Variants in HTRA4 observed in about 807,000 individuals in gnomAD.
The protein encoded by HTRA4 is serine protease HTRA4.
In HTRA4, 46 loss-of-function variants were observed where a neutral mutation model predicts 49.1. The observed-to-expected ratio is 0.94, with a 90% CI of 0.74 to 1.20. The LOEUF (loss-of-function observed/expected upper bound fraction) is 1.20, where lower values mean the gene tolerates loss of function less well. Ranked by LOEUF, HTRA4 falls within the 50% of genes most tolerant of loss-of-function variation. HTRA4 has a pLI of 0.00. For missense variants in HTRA4, 602 were observed against 636.9 expected (o/e 0.95, Z 0.59); for synonymous variants, 261 against 264.0 (o/e 0.99, Z 0.11).
chr8:38,980,618 A>T (rs1411839931), intron 5 of HTRA4, among the ~76,000 whole-genome samples: 1 of 152,026 alleles, frequency 6.6e-6, no homozygotes, highest in East Asian at 1.9e-4. Context: ...TGCGCCTGTA[A>T]TCCCAGCTAC....
At chr8:38,980,685 C>A (rs1219082461) in intron 5 of HTRA4, among the ~76,000 whole-genome samples, 1 of 151,942 alleles carries the variant, frequency 6.6e-6, no homozygotes, top group Non-Finnish European at 1.5e-5. Flanking sequence ...TTGCAATGAG[C>A]CAAGGTTGCA....
At position 38,977,991 on chromosome 8, in the gene HTRA4, C is replaced by T. The variant is rs558785643; in HGVS notation, c.810C>T (p.Asp270=). The T allele has an allele frequency of 8.1e-6, 13 of 1,614,108 alleles. 1 individual carries two copies. The South Asian group carries it at 1.4e-4, about 18-fold the overall frequency. Residue 270 remains aspartate, a synonymous_variant, in exon 4 of 9, where the codon GAC becomes GAT. Coordinates refer to ENST00000302495, the MANE Select transcript of HTRA4 (RefSeq NM_153692.4). The part of the protein sequence containing the change: ...LPVLMLGRSS[D]LRAGEFVVAL... ...TACTGATGCTGGGAAGATCATCTGA[C>T]CTTCGGGCTGGAGAGTTTGTGGTGG...
intron 8 of HTRA4, among the ~76,000 whole-genome samples, chr8:38,984,586 A>T (rs1301878041): frequency 1.3e-5 from 2 of 151,706 alleles, no homozygotes; most frequent in Non-Finnish European, 2.9e-5. Context: ...ATCCCTACTT[A>T]AAAAATATAA....
In HTRA4 at chr8:38,981,640, C is replaced by A. The variant is rs774957679; in HGVS notation, c.1000-13C>A. On this transcript the variant is annotated splice_polypyrimidine_tract_variant and intron_variant, in intron 5 of 8. Transcript: ENST00000302495. ...AAAACTTCATGACTGAATGATGTCCCCTCCCTTGCCAGGATGGTGATGTGA... is the reference window on the plus strand; with the variant it reads ...AAAACTTCATGACTGAATGATGTCCACTCCCTTGCCAGGATGGTGATGTGA... The A allele has an allele frequency of 1.3e-6, 2 of 1,596,990 alleles. No individual in the cohort carries two copies. Among genetic ancestry groups the A allele is most frequent in the South Asian group, 2.2e-5 (2 of 90,608 alleles).
At chr8:38,975,350 G>A (rs909369905) in intron 2 of HTRA4, among the ~76,000 whole-genome samples, 6 of 152,200 alleles carry the variant, frequency 3.9e-5, no homozygotes, top group Non-Finnish European at 8.8e-5. Flanking sequence ...TTAGGTGGCT[G>A]GTGCTTTTTC....
At chr8:38,982,686 C>T (rs1835437878) in intron 7 of HTRA4, 131 bp downstream of exon 7, 2 of 800,814 alleles carry the variant, frequency 2.5e-6, no homozygotes, top group Non-Finnish European at 4.2e-6. Context: ...CTATCTGTCT[C>T]AGGGTATGTA....
rs565221050 is a variant in HTRA4, at chr8:38,983,687, A to G, written c.1268+639A>G. ...TTGTATTAAATAAGATATATTATTA[A>G]ATTAAATTCATCTATTTAAAAATTT... is the stretch of plus-strand genomic sequence containing the variant. On this transcript the variant is annotated intron_variant, in intron 8 of 8. Coordinates refer to ENST00000302495, the MANE Select transcript of HTRA4 (RefSeq NM_153692.4). 6.6e-5 allele frequency among the ~76,000 whole-genome samples: 10 copies of G among 152,074 alleles called. No individual in the cohort carries two copies. The South Asian group carries it at 8.3e-4, about 13-fold the overall frequency.
intron 5 of HTRA4, among the ~76,000 whole-genome samples, chr8:38,981,082 T>TG (rs1564179085): frequency 1.3e-4 from 17 of 128,086 alleles, no homozygotes; most frequent in East Asian, 4.6e-4. Context: ...TTTTTTTTTT[T>TG]TTTTTTTTTT....
intron 5 of HTRA4, among the ~76,000 whole-genome samples, chr8:38,981,184 A>G (rs919109645): frequency 1.5e-5 from 2 of 137,834 alleles, no homozygotes; most frequent in African/African-American, 5.4e-5. Context: ...GGTTCACGCC[A>G]TTCTCCTGCC....
rs1281343145 is a variant in HTRA4 at position 38,988,310 on chromosome 8, A to G, written c.*212A>G. ...CCATGGAATACTATGCAGCCATAAA[A>G]AGCAACAGTCCTCTGCAGGGACATG... On this transcript the variant is annotated 3_prime_UTR_variant, in exon 9 of 9. Transcript: ENST00000302495. 2 of 424,200 alleles carry G rather than the reference A, an allele frequency of 4.7e-6. No individual in the cohort carries two copies. The highest frequency in any genetic ancestry group is 8.3e-6 in the Non-Finnish European group (2 of 241,062). 26.3% of individuals were successfully genotyped at this position (424,200 alleles called of 1,614,324 possible). A position where few individuals can be genotyped will look rare whatever the true frequency, so the allele number is the denominator to read the frequency against.
At position 38,983,118 on chromosome 8, in the gene HTRA4, G is replaced by A. The variant is rs1183246406; in HGVS notation, c.1268+70G>A. ...AATGTGTGCCATGGTAAAATGCATGGGGGATCCAGACTTGATCTGTCCAAT... is the reference window on the plus strand; with the variant it reads ...AATGTGTGCCATGGTAAAATGCATGAGGGATCCAGACTTGATCTGTCCAAT... On this transcript the variant is annotated intron_variant, in intron 8 of 8. Transcript: ENST00000302495. The A allele has an allele frequency of 8.1e-6, 8 of 993,376 alleles. No homozygotes were observed. In the African/African-American group the frequency reaches 1.1e-4, roughly 14 times the overall value. The allele number at this position is 993,376 out of a possible 1,614,324, so 61.5% of individuals were successfully genotyped here.
intron 6 of HTRA4, 100 bp downstream of exon 6, chr8:38,981,867 G>C: frequency 1.2e-6 from 1 of 849,136 alleles, no homozygotes; most frequent in Non-Finnish European, 1.9e-6. Flanking sequence ...TTTTGTTTTT[G>C]AGACAGAATT....
chr8:38,979,930 A>G (rs1835398524), intron 5 of HTRA4, among the ~76,000 whole-genome samples: 1 of 152,230 alleles, frequency 6.6e-6, no homozygotes, highest in Admixed American at 6.5e-5. Flanking sequence ...TCATTTAAAA[A>G]TGCTAATTAC....
chr8:38,981,214 G>C (rs1835419107), intron 5 of HTRA4, among the ~76,000 whole-genome samples: 1 of 150,280 alleles, frequency 6.7e-6, no homozygotes, highest in African/African-American at 2.4e-5. Flanking sequence ...CGAGTAGCTG[G>C]GACTACAGGC....
chr8:38,975,004 T>C (rs1360600135), intron 1 of HTRA4, 27 bp from the exon 2 acceptor site: 5 of 1,611,508 alleles, frequency 3.1e-6, no homozygotes, highest in Non-Finnish European at 2.5e-6. Context: ...CCTCGAGGCG[T>C]ACTCTTGAGC....
At chr8:38,981,506 C>T (rs545182573) in intron 5 of HTRA4, 147 bp from the exon 6 acceptor site, 9 of 613,590 alleles carry the variant, frequency 1.5e-5, no homozygotes, top group African/African-American at 7.4e-5. Flanking sequence ...AAGGAACATC[C>T]GTTGCTCTCT....
intron 4 of HTRA4, among the ~76,000 whole-genome samples, chr8:38,978,577 G>A (rs537370485): frequency 9.2e-5 from 14 of 152,278 alleles, no homozygotes; most frequent in African/African-American, 3.4e-4. Context: ...GGGATGTCCA[G>A]GTTTGGTTGA....
intron 2 of HTRA4, 48 bp downstream of exon 2, chr8:38,975,178 G>C: frequency 6.3e-7 from 1 of 1,575,110 alleles, no homozygotes. Flanking sequence ...AATGGTTTCT[G>C]CGTGCCTACC....
chr8:38,975,019 A>AT lies in HTRA4; in HGVS notation c.467-6dup, dbSNP rs777772516. On this transcript the variant is annotated splice_polypyrimidine_tract_variant and intron_variant, in intron 1 of 8. Coordinates refer to ENST00000302495, the MANE Select transcript of HTRA4 (RefSeq NM_153692.4). ...CCTCGAGGCGTACTCTTGAGCCAGTATTTTTTCATAGGGACCAGAAGCGCA... is the reference window on the plus strand; with the variant it reads ...CCTCGAGGCGTACTCTTGAGCCAGTATTTTTTTCATAGGGACCAGAAGCGCA... 1.2e-6 allele frequency: 2 copies of AT among 1,613,670 alleles called. No individual in the cohort carries two copies. Among genetic ancestry groups the AT allele is most frequent in the South Asian group, 1.1e-5 (1 of 91,084 alleles).
Sources: allele counts gnomAD v4.1 joint callset (sites outside exome capture counted in the v4.1 genomes callset), GRCh38; gene constraint gnomAD v4.1.1; transcripts MANE v1.5; gene names NCBI Gene and HGNC (gene_info 2026-07-23, HGNC 2026-07-21).